Variants in TENM3 observed in about 807,000 individuals in gnomAD.
TENM3 encodes teneurin transmembrane protein 3.
A neutral mutation model predicts 255.1 loss-of-function variants in TENM3; 63 were observed. The ratio of observed to expected loss-of-function variants is 0.25; its 90% confidence interval spans 0.20 to 0.30. TENM3 has a LOEUF of 0.30. Ranked by LOEUF, TENM3 falls within the 10% of genes least tolerant of loss-of-function variation. The pLI is 1.00. For missense variants in TENM3, 2,929 were observed against 3,461.1 expected (o/e 0.85, Z 3.86); for synonymous variants, 1,306 against 1,322.3 (o/e 0.99, Z 0.27).
At chr4:181,922,672 T>G in the TENM3 span, among the ~76,000 whole-genome samples, 637 of 152,220 alleles carry the variant, frequency 4.2e-3, 17 homozygotes, top group South Asian at 0.059. Context: ...TTGTTGATCC[T>G]TTCAAAAAAC....
rs752125855 is a variant in TENM3, at chr4:182,220,131, C to G, written c.-76+75377C>G. Among the ~76,000 whole-genome samples the G allele has an allele frequency of 3.5e-4, 53 of 152,130 alleles. 1 individual carries two copies. Among genetic ancestry groups the G allele is most frequent in the Non-Finnish European group, 7.4e-5 (5 of 68,020 alleles). Reference sequence around the variant, plus strand: ...TTGGCTGATGCCCGAAATCCCAGCACTTTGGGAGGCCAAGGTGGGCGGATC... The same window carrying G: ...TTGGCTGATGCCCGAAATCCCAGCAGTTTGGGAGGCCAAGGTGGGCGGATC... On this transcript the variant is annotated intron_variant, in intron 1 of 2. Coordinates refer to the TENM3 transcript ENST00000512480.
the TENM3 span, among the ~76,000 whole-genome samples, chr4:181,643,895 G>C: frequency 6.6e-6 from 1 of 151,930 alleles, no homozygotes; most frequent in Non-Finnish European, 1.5e-5. Context: ...TGGCCAACAC[G>C]GTGAAACCTC....
the TENM3 span, among the ~76,000 whole-genome samples, chr4:182,048,842 T>C: frequency 6.6e-6 from 1 of 152,124 alleles, no homozygotes; most frequent in East Asian, 1.9e-4. Context: ...AAATACTGTG[T>C]CTATTATTCC....
the TENM3 span, among the ~76,000 whole-genome samples, chr4:181,517,982 A>T: frequency 0.07 from 10,674 of 152,210 alleles, 433 homozygotes; most frequent in South Asian, 0.15. Flanking sequence ...AGACGGAGGG[A>T]TTAACACGTG....
the TENM3 span, among the ~76,000 whole-genome samples, chr4:181,849,949 T>TCTCTCTCTCTCTCACACACACA: frequency 4.7e-3 from 307 of 65,960 alleles, 2 homozygotes; most frequent in South Asian, 8.6e-3. Context: ...TCTCTCTCTC[T>TCTCTCTCTCTCTCACACACACA]CACACACACA....
At chr4:182,306,666 C>T (rs1762150489) in intron 1 of TENM3, among the ~76,000 whole-genome samples, 1 of 152,158 alleles carries the variant, frequency 6.6e-6, no homozygotes, top group Non-Finnish European at 1.5e-5. Context: ...TATCTGAGGA[C>T]TCTTGCCAAT....
chr4:181,523,988 C>A, the TENM3 span, among the ~76,000 whole-genome samples: 1 of 152,196 alleles, frequency 6.6e-6, no homozygotes, highest in Non-Finnish European at 1.5e-5. Context: ...ATTCAATTCT[C>A]TCTTCCTTTT....
the TENM3 span, among the ~76,000 whole-genome samples, chr4:181,553,786 A>G: frequency 6.6e-6 from 1 of 152,036 alleles, no homozygotes; most frequent in East Asian, 1.9e-4. Context: ...TTAGTGGGTC[A>G]TGCTGTCAAG....
intron 3 of TENM3, among the ~76,000 whole-genome samples, chr4:182,471,001 C>T (rs1463015218): frequency 1.3e-5 from 2 of 152,086 alleles, no homozygotes; most frequent in Admixed American, 6.5e-5. Context: ...TTACCACGTC[C>T]GTCAATGTGA....
At chr4:182,029,999 C>CTT in the TENM3 span, among the ~76,000 whole-genome samples, 1 of 95,392 alleles carries the variant, frequency 1.0e-5, no homozygotes, top group African/African-American at 4.3e-5. Context: ...GCATCTCTCT[C>CTT]CTTTTTTTCT....
the TENM3 span, among the ~76,000 whole-genome samples, chr4:181,900,449 T>C: frequency 6.6e-6 from 1 of 152,182 alleles, no homozygotes; most frequent in Admixed American, 6.5e-5. Flanking sequence ...ATAAATATGG[T>C]CCAATACCAA....
At chr4:182,224,431 C>G (rs930146440) in intron 1 of TENM3, among the ~76,000 whole-genome samples, 1 of 152,258 alleles carries the variant, frequency 6.6e-6, no homozygotes, top group Non-Finnish European at 1.5e-5. Context: ...CCGACTCTGT[C>G]AAAGGTAATC....
intron 12 of TENM3, among the ~76,000 whole-genome samples, chr4:182,692,792 A>G (rs1035395039): frequency 5.9e-5 from 9 of 152,308 alleles, no homozygotes; most frequent in African/African-American, 1.9e-4. Context: ...TTAGGTGTGA[A>G]ACACTGGAGG....
intron 3 of TENM3, among the ~76,000 whole-genome samples, chr4:182,353,936 G>C (rs1411764411): frequency 6.6e-6 from 1 of 150,764 alleles, no homozygotes; most frequent in African/African-American, 2.4e-5. Context: ...CTGCACTCCA[G>C]CCTGGGCAAC....
intron 22 of TENM3, among the ~76,000 whole-genome samples, chr4:182,758,242 A>G (rs9917897): frequency 0.011 from 1,741 of 152,212 alleles, 32 homozygotes; most frequent in African/African-American, 0.04. Flanking sequence ...TTTTCTTCCC[A>G]TACATTCTTG....
At chr4:182,360,473 T>C (rs1765883820) in intron 3 of TENM3, among the ~76,000 whole-genome samples, 1 of 145,802 alleles carries the variant, frequency 6.9e-6, no homozygotes, top group Admixed American at 6.9e-5. Context: ...TACCATTATG[T>C]AATGGCCTTC....
rs140743512 is a variant in TENM3 at position 182,486,572 on chromosome 4, A to G, written c.512-114352A>G. On this transcript the variant is annotated intron_variant, in intron 3 of 27. Coordinates refer to ENST00000511685, the MANE Select transcript of TENM3 (RefSeq NM_001080477.4). ...GTTACTTGCAAAAAGAATTAAGCTGATCAAAGTAAATCAACAAAAATCTTG... is the reference window on the plus strand; with the variant it reads ...GTTACTTGCAAAAAGAATTAAGCTGGTCAAAGTAAATCAACAAAAATCTTG... 3.4e-3 allele frequency among the ~76,000 whole-genome samples: 523 copies of G among 152,270 alleles called. 3 individuals are homozygous for G. Among genetic ancestry groups the G allele is most frequent in the Non-Finnish European group, 4.0e-3 (271 of 68,016 alleles).
intron 3 of TENM3, among the ~76,000 whole-genome samples, chr4:182,534,769 G>T (rs1187458787): frequency 6.6e-6 from 1 of 152,182 alleles, no homozygotes; most frequent in Non-Finnish European, 1.5e-5. Context: ...ACTTGCCCAG[G>T]ATTATACAGT....
chr4:182,334,696 A>G (rs918296772), intron 2 of TENM3, among the ~76,000 whole-genome samples: 6 of 152,168 alleles, frequency 3.9e-5, no homozygotes, highest in Admixed American at 1.3e-4. Flanking sequence ...AGGTTTTTCT[A>G]TTCAGTGGGA....
Sources: gnomAD v4.1 joint callset for allele counts (sites outside exome capture counted in the v4.1 genomes callset) on GRCh38, gnomAD v4.1.1 for gene constraint, MANE v1.5 for transcripts, NCBI Gene and HGNC (gene_info 2026-07-23, HGNC 2026-07-21) for gene names.